The following SOWAHB variants were observed in gnomAD, a reference collection of about 807,000 sequenced individuals.
SOWAHB encodes ankyrin repeat domain-containing protein SOWAHB.
In SOWAHB, 17 loss-of-function variants were observed where a neutral mutation model predicts 18.3. The observed-to-expected ratio is 0.93, with a 90% CI of 0.64 to 1.40. The LOEUF is 1.40. Ranked by LOEUF, SOWAHB falls within the 40% of genes most tolerant of loss-of-function variation. SOWAHB has a pLI of 0.00. For missense variants in SOWAHB, 1,126 were observed against 1,033.7 expected (o/e 1.09, Z -1.22); for synonymous variants, 496 against 448.1 (o/e 1.11, Z -1.35).
Position 76,897,889 on chromosome 4 carries a change from C to T in SOWAHB, c.-40G>A. The T allele has an allele frequency of 6.5e-7, 1 of 1,547,386 alleles. No individual in the cohort carries two copies. Among genetic ancestry groups the T allele is most frequent in the Non-Finnish European group, 8.7e-7 (1 of 1,151,762 alleles). ...CCGCCCCAGAGGTGTCTGAGTCTCG[C>T]CCTCCCGGGGCTCTCCCCAGCCAGA... On this transcript the variant is annotated 5_prime_UTR_variant, in exon 1 of 1. Coordinates refer to ENST00000334306, the MANE Select transcript of SOWAHB (RefSeq NM_001029870.3). The surrounding 1 kb of genome is among the most constrained non-coding windows in gnomAD (Gnocchi z 6.4).
rs1719960938 is a variant in SOWAHB at position 76,897,509 on chromosome 4, TC to T, written c.340del (p.Glu114SerfsTer133). 18 of 1,424,420 alleles carry T rather than the reference TC, an allele frequency of 1.3e-5. No homozygotes were observed. The highest frequency in any genetic ancestry group is 1.3e-4 in the Admixed American group (4 of 31,892). The allele number at this position is 1,424,420 out of a possible 1,614,324, so 88.2% of individuals were successfully genotyped here. A position where few individuals can be genotyped will look rare whatever the true frequency, so the allele number is the denominator to read the frequency against. On this transcript the variant is annotated frameshift_variant, in exon 1 of 1. Transcript: ENST00000334306. LOFTEE classifies it low-confidence loss of function (END_TRUNC). The surrounding 1 kb of genome is among the most constrained non-coding windows in gnomAD (Gnocchi z 6.4). ...PCSPRGARRG[E>X]PPQQQPRRRR... ...CCGCCTGGGCTGCTGCTGGGGCGGC[TC>T]CCCCCGGCGCGCGCCTCGCGGGGAG...
At position 76,897,598 on chromosome 4, in the gene SOWAHB, C is replaced by A; in HGVS notation, c.252G>T (p.Glu84Asp). ...GCGGCTCGCGGGGTCGCTGCAGCCC[C>A]TCCTCCCCCAAAAGGTCCCTGTATC... ...KRRYRDLLGE[E>D]GLQRPREPPA... The change falls in exon 1 of 1, where the codon GAG (glutamate) becomes GAT (aspartate). Residue 84 changes from glutamate (E) to aspartate (D), a missense_variant. Physicochemically the swap from Glu to Asp is conservative, Grantham distance 45 (BLOSUM62 2). Transcript: ENST00000334306. The surrounding 1 kb of genome is among the most constrained non-coding windows in gnomAD (Gnocchi z 6.4). 6.2e-7 allele frequency: 1 copy of A among 1,609,268 alleles called. No homozygotes were observed.
At position 76,896,213 on chromosome 4, in the gene SOWAHB, C is replaced by G. The variant is rs746732729; in HGVS notation, c.1637G>C (p.Gly546Ala). The G allele has an allele frequency of 3.2e-6, 5 of 1,566,150 alleles. No individual in the cohort carries two copies. The highest frequency in any genetic ancestry group is 1.2e-5 in the South Asian group (1 of 84,938). ...GTAPSPRVDA[G>A]LSLKLAEVKA... ...AACCTCTGCAAGTTTTAGTGATAAA[C>G]CTGCATCAACCCTTGGGCTGGGTGC... The change falls in exon 1 of 1, where the codon GGT becomes GCT. Residue 546 changes from glycine (G) to alanine (A), a missense_variant. Transcript: ENST00000334306.
chr4:76,896,484 G>C lies in SOWAHB; in HGVS notation c.1366C>G (p.Gln456Glu). 2 of 1,612,974 alleles carry C rather than the reference G, an allele frequency of 1.2e-6. No individual in the cohort carries two copies. Among genetic ancestry groups the C allele is most frequent in the Non-Finnish European group, 1.7e-6 (2 of 1,179,902 alleles). Residue 456 changes from glutamine (Q) to glutamate (E), a missense_variant, in exon 1 of 1, where the codon CAG becomes GAG. By Grantham distance (29) the Gln-to-Glu change is conservative. Transcript: ENST00000334306. ...CCATCCCCTCTGTTTCTGAGACCCT[G>C]AGGGCTCCGGCTGGGGCTGCCCTCC... The part of the protein sequence containing the change: ...RKEGSPSRSP[Q>E]GLRNRGDGHI...
rs771245532 is a variant in SOWAHB at position 76,896,004 on chromosome 4, A to G, written c.1846T>C (p.Phe616Leu). Residue 616 changes from phenylalanine (F) to leucine (L), a missense_variant, in exon 1 of 1, where the codon TTC becomes CTC. Transcript: ENST00000334306. ...SGSWIQVWTL[F>L]WEDPQLALHK... ...AAGGCCAGTTGAGGGTCCTCCCAGA[A>G]CAAAGTCCACACCTGAATCCAGGAG... 1.9e-6 allele frequency: 3 copies of G among 1,613,812 alleles called. No individual in the cohort carries two copies. Among genetic ancestry groups the G allele is most frequent in the Middle Eastern group, 1.6e-4 (1 of 6,062 alleles).
At position 76,896,931 on chromosome 4, in the gene SOWAHB, G is replaced by T. The variant is rs765605403; in HGVS notation, c.919C>A (p.Arg307=). The T allele has an allele frequency of 1.9e-6, 3 of 1,610,042 alleles. No homozygotes were observed. Among genetic ancestry groups the T allele is most frequent in the Non-Finnish European group, 2.5e-6 (3 of 1,178,674 alleles). The change falls in exon 1 of 1, where the codon CGA becomes AGA. Residue 307 remains arginine, a synonymous_variant. Transcript: ENST00000334306. ...STLQQQQQRT[R]EWVARHPQVP... The stretch of plus-strand genomic sequence containing the variant: ...TGCGGGTGCCTGGCCACCCACTCTC[G>T]AGTGCGCTGCTGCTGCTGCTGCAGG...
rs1719869333 is a variant in SOWAHB at position 76,894,687 on chromosome 4, C to A, written c.*781G>T. Among the ~76,000 whole-genome samples the A allele has an allele frequency of 6.6e-6, 1 of 152,140 alleles. No homozygotes were observed. The highest frequency in any genetic ancestry group is 1.5e-5 in the Non-Finnish European group (1 of 68,034). On this transcript the variant is annotated 3_prime_UTR_variant, in exon 1 of 1. Coordinates refer to ENST00000334306, the MANE Select transcript of SOWAHB (RefSeq NM_001029870.3). Reference sequence around the variant, plus strand: ...TGGTTTCAGTCACTATGTAAATGAGCCACATGGTTTTTACATTTGGAAAGT... The same window carrying A: ...TGGTTTCAGTCACTATGTAAATGAGACACATGGTTTTTACATTTGGAAAGT...
chr4:76,897,429 C>A lies in SOWAHB; in HGVS notation c.421G>T (p.Ala141Ser), dbSNP rs751515024. 6.6e-7 allele frequency: 1 copy of A among 1,517,092 alleles called. No individual in the cohort carries two copies. Among genetic ancestry groups the A allele is most frequent in the Non-Finnish European group, 8.8e-7 (1 of 1,139,622 alleles). The allele number at this position is 1,517,092 out of a possible 1,614,324, so 94.0% of individuals were successfully genotyped here. ...GGGAGTCCATTGCAAGCTGCGTCGG[C>A]GGCTCTGGCTGCTGCACCTGCTGGC... ...EEPAGAAARA[A>S]DAACNGLPGS... Residue 141 changes from alanine to serine, a missense_variant, in exon 1 of 1, where the codon GCC becomes TCC. Ala to Ser is a moderately conservative substitution (Grantham distance 99). Coordinates refer to ENST00000334306, the MANE Select transcript of SOWAHB (RefSeq NM_001029870.3). The surrounding 1 kb of genome is among the most constrained non-coding windows in gnomAD (Gnocchi z 6.4).
chr4:76,897,856 C>T lies in SOWAHB; in HGVS notation c.-7G>A. On this transcript the variant is annotated 5_prime_UTR_variant, in exon 1 of 1. Transcript: ENST00000334306. The surrounding 1 kb of genome is among the most constrained non-coding windows in gnomAD (Gnocchi z 6.4). ...GGCTCAGCTCTCGGGCCATCGCTGC[C>T]TTGTCCTCCGCCCCAGAGGTGTCTG... 3.1e-6 allele frequency: 5 copies of T among 1,592,702 alleles called. No homozygotes were observed. The highest frequency in any genetic ancestry group is 1.7e-5 in the Admixed American group (1 of 59,160).
rs574360975 is a variant in SOWAHB at position 76,897,267 on chromosome 4, G to A, written c.583C>T (p.Arg195Cys). ...ASCAAAKTQG[R>C]CCWECLQNNL... is the part of the protein sequence containing the mutation. ...TTCTGGAGGCATTCCCAGCAGCAGC[G>A]GCCCTGCGTCTTCGCCGCCGCGCAG... Residue 195 changes from arginine (R) to cysteine (C), a missense_variant, in exon 1 of 1, where the codon CGC (arginine) becomes TGC (cysteine). Arg to Cys is a radical substitution (Grantham distance 180). Transcript: ENST00000334306. This position sits in a 1 kb window ranked among gnomAD's most constrained non-coding sequence, Gnocchi z 6.4. 2 of 1,559,890 alleles carry A rather than the reference G, an allele frequency of 1.3e-6. No homozygotes were observed. Among genetic ancestry groups the A allele is most frequent in the East Asian group, 4.7e-5 (2 of 42,910 alleles).
At position 76,895,418 on chromosome 4, in the gene SOWAHB, C is replaced by G. The variant is rs1302911594; in HGVS notation, c.*50G>C. The G allele has an allele frequency of 3.3e-6, 5 of 1,495,948 alleles. No individual in the cohort carries two copies. The East Asian group carries it at 1.1e-4, about 34-fold the overall frequency. 92.7% of individuals were successfully genotyped at this position (1,495,948 alleles called of 1,614,324 possible). A position where few individuals can be genotyped will look rare whatever the true frequency, so the allele number is the denominator to read the frequency against. On this transcript the variant is annotated 3_prime_UTR_variant, in exon 1 of 1. Coordinates refer to ENST00000334306, the MANE Select transcript of SOWAHB (RefSeq NM_001029870.3). The stretch of plus-strand genomic sequence containing the variant: ...TTTCTATTCCCCCTGAATTCTCTCA[C>G]TGAGCAGGATGAGGGAGTGCTGCCT...
At position 76,895,600 on chromosome 4, in the gene SOWAHB, C is replaced by CT; in HGVS notation, c.2249dup (p.Glu751GlyfsTer4). 2 of 1,614,208 alleles carry CT rather than the reference C, an allele frequency of 1.2e-6. No homozygotes were observed. Among genetic ancestry groups the CT allele is most frequent in the South Asian group, 2.2e-5 (2 of 91,074 alleles). On this transcript the variant is annotated frameshift_variant, in exon 1 of 1. Transcript: ENST00000334306. LOFTEE classifies it high-confidence loss of function. The stretch of plus-strand genomic sequence containing the variant: ...TTCGGGTGACACTTCTAGATATTTC[C>CT]TTGCTCTTGGCCTTTCTGGTAGGGG...
Position 76,897,376 on chromosome 4 carries a change from C to T in SOWAHB, c.474G>A (p.Gly158=), listed in dbSNP as rs903220989. 7 of 1,529,076 alleles carry T rather than the reference C, an allele frequency of 4.6e-6. No individual in the cohort carries two copies. The highest frequency in any genetic ancestry group is 2.8e-5 in the African/African-American group (2 of 71,184). 94.7% of individuals were successfully genotyped at this position (1,529,076 alleles called of 1,614,324 possible). A position where few individuals can be genotyped will look rare whatever the true frequency, so the allele number is the denominator to read the frequency against. Residue 158 remains glycine, a synonymous_variant, in exon 1 of 1, where the codon GGG becomes GGA. Transcript: ENST00000334306. The surrounding 1 kb of genome is among the most constrained non-coding windows in gnomAD (Gnocchi z 6.4). ...LPGSDSRRAP[G]KGGGSKGSPG... ...GACTGCCCTTCGATCCGCCGCCCTT[C>T]CCGGGCGCCCTACGGGAGTCGCTGC...
Position 76,894,845 on chromosome 4 carries a change from A to G in SOWAHB, c.*623T>C, listed in dbSNP as rs1364535881. On this transcript the variant is annotated 3_prime_UTR_variant, in exon 1 of 1. Transcript: ENST00000334306. ...AGAAGACCCAAAGGAGGCATTAATC[A>G]TTTTACCCATTAACCACCATGCATG... The G allele has an allele frequency of 6.6e-6, 1 of 152,200 alleles. No homozygotes were observed. The highest frequency in any genetic ancestry group is 1.5e-5 in the Non-Finnish European group (1 of 68,038). The allele number at this position is 152,200 out of a possible 1,614,324, so 9.4% of individuals were successfully genotyped here. A position where few individuals can be genotyped will look rare whatever the true frequency, so the allele number is the denominator to read the frequency against.
At position 76,896,262 on chromosome 4, in the gene SOWAHB, T is replaced by C; in HGVS notation, c.1588A>G (p.Arg530Gly). 1.2e-6 allele frequency: 2 copies of C among 1,602,168 alleles called. No individual in the cohort carries two copies. Among genetic ancestry groups the C allele is most frequent in the Non-Finnish European group, 1.7e-6 (2 of 1,172,788 alleles). ...GCCGTTCCTGCCTTGGAGGGCTTCC[T>C]GGATCGAGGTGGGCGCCGACTTCTT... ...LKRSRRPPRS[R>G]KPSKAGTAPS... The change falls in exon 1 of 1, where the codon AGG becomes GGG. Residue 530 changes from arginine (R) to glycine (G), a missense_variant. Coordinates refer to ENST00000334306, the MANE Select transcript of SOWAHB (RefSeq NM_001029870.3).
In SOWAHB at chr4:76,895,837, A is replaced by G; in HGVS notation, c.2013T>C (p.Tyr671=). The G allele has an allele frequency of 6.2e-7, 1 of 1,614,232 alleles. No individual in the cohort carries two copies. Among genetic ancestry groups the G allele is most frequent in the Non-Finnish European group, 8.5e-7 (1 of 1,180,036 alleles). The change falls in exon 1 of 1, where the codon TAT becomes TAC. Residue 671 remains tyrosine, a synonymous_variant. Transcript: ENST00000334306. ...LDVNVRSSCG[Y]TPLHLAAIHG... Reference sequence around the variant, plus strand: ...GAATGGCTGCAAGGTGCAGCGGGGTATATCCACAACTGGACCTCACGTTTA... The same window carrying G: ...GAATGGCTGCAAGGTGCAGCGGGGTGTATCCACAACTGGACCTCACGTTTA...
rs1719859736 is a variant in SOWAHB, at chr4:76,894,290, A to G, written c.*1178T>C. On this transcript the variant is annotated 3_prime_UTR_variant, in exon 1 of 1. Transcript: ENST00000334306. Reference sequence around the variant, plus strand: ...AAAAATTAACAATTTCCACTTGAACATGTATTTCAGCCCTCTTTGAACTTA... The same window carrying G: ...AAAAATTAACAATTTCCACTTGAACGTGTATTTCAGCCCTCTTTGAACTTA... Among the ~76,000 whole-genome samples, 1 of 152,190 alleles carries G rather than the reference A, an allele frequency of 6.6e-6. No homozygotes were observed. The highest frequency in any genetic ancestry group is 1.5e-5 in the Non-Finnish European group (1 of 68,024).
rs746331360 is a variant in SOWAHB, at chr4:76,895,487, C to T, written c.2363G>A (p.Arg788Lys). 6.2e-7 allele frequency: 1 copy of T among 1,606,380 alleles called. No homozygotes were observed. Among genetic ancestry groups the T allele is most frequent in the Admixed American group, 1.7e-5 (1 of 59,532 alleles). Reference protein sequence around the residue: ...QYEKFHSPREREEYSD With the variant: ...QYEKFHSPREKEEYSD Reference sequence around the variant, plus strand: ...CCCACCTCAGTCACTATACTCTTCTCTTTCCCTTGGACTGTGGAATTTCTC... The same window carrying T: ...CCCACCTCAGTCACTATACTCTTCTTTTTCCCTTGGACTGTGGAATTTCTC... Residue 788 changes from arginine to lysine, a missense_variant, in exon 1 of 1, where the codon AGA becomes AAA. By Grantham distance (26) the Arg-to-Lys change is conservative. Coordinates refer to ENST00000334306, the MANE Select transcript of SOWAHB (RefSeq NM_001029870.3).
rs1194763219 is a variant in SOWAHB, at chr4:76,896,945, T to C, written c.905A>G (p.Gln302Arg). 3 of 1,607,536 alleles carry C rather than the reference T, an allele frequency of 1.9e-6. No individual in the cohort carries two copies. Among genetic ancestry groups the C allele is most frequent in the Non-Finnish European group, 2.5e-6 (3 of 1,177,602 alleles). The change falls in exon 1 of 1, where the codon CAG becomes CGG. Residue 302 changes from glutamine to arginine, a missense_variant. Coordinates refer to ENST00000334306, the MANE Select transcript of SOWAHB (RefSeq NM_001029870.3). ...SSLHYSTLQQ[Q>R]QQRTREWVAR... is the part of the protein sequence containing the mutation. ...CACCCACTCTCGAGTGCGCTGCTGCTGCTGCTGCAGGGTCGAATAATGCAG... is the reference window on the plus strand; with the variant it reads ...CACCCACTCTCGAGTGCGCTGCTGCCGCTGCTGCAGGGTCGAATAATGCAG...
Sources: gnomAD v4.1 joint callset for allele counts (sites outside exome capture counted in the v4.1 genomes callset) on GRCh38, gnomAD v4.1.1 for gene constraint, Gnocchi (gnomAD v3.1) non-coding constraint, MANE v1.5 for transcripts, NCBI Gene and HGNC (gene_info 2026-07-23, HGNC 2026-07-21) for gene names.